Variants in DOCK10 observed in about 807,000 individuals in gnomAD.
DOCK10 encodes the protein dedicator of cytokinesis protein 10.
A neutral mutation model predicts 280.1 loss-of-function variants in DOCK10; 145 were observed. The ratio of observed to expected loss-of-function variants is 0.52; its 90% CI spans 0.45 to 0.59. The LOEUF is 0.59. Ranked by LOEUF, DOCK10 falls within the 20% of genes least tolerant of loss-of-function variation. DOCK10 has a pLI of 0.00. For synonymous variants in DOCK10, 915 were observed against 942.2 expected (o/e 0.97, Z 0.53); for missense variants, 2,368 against 2,651.7 (o/e 0.89, Z 2.35).
At chr2:224,886,623 C>G in intron 4 of DOCK10, 92 bp from the exon 5 acceptor site, 1 of 945,136 alleles carries the variant, frequency 1.1e-6, no homozygotes. Context: ...AACTATGGTG[C>G]TGGTGTTCTT....
At chr2:224,779,500 T>C (rs898306849) in intron 50 of DOCK10, among the ~76,000 whole-genome samples, 1 of 152,032 alleles carries the variant, frequency 6.6e-6, no homozygotes, top group African/African-American at 2.4e-5. Context: ...ACAGGCTATA[T>C]CTGGTTTCTT....
chr2:224,849,085 C>G (rs947960546), intron 19 of DOCK10, among the ~76,000 whole-genome samples: 2 of 152,170 alleles, frequency 1.3e-5, no homozygotes, highest in African/African-American at 4.8e-5. Context: ...AAGCGAGTCT[C>G]CTGCCTCAGC....
chr2:224,828,770 G>A (rs1381979369), intron 27 of DOCK10, among the ~76,000 whole-genome samples: 4 of 152,188 alleles, frequency 2.6e-5, no homozygotes, highest in Non-Finnish European at 5.9e-5. Flanking sequence ...GGGAAGCCAA[G>A]AGGGACCGAC....
intron 1 of DOCK10, among the ~76,000 whole-genome samples, chr2:224,934,891 G>A (rs1319101430): frequency 6.6e-6 from 1 of 152,150 alleles, no homozygotes; most frequent in Non-Finnish European, 1.5e-5. Context: ...TTCATTAGCT[G>A]TTCTAAAGTC....
At chr2:224,801,811 G>A (rs1240775702) in intron 40 of DOCK10, 105 bp downstream of exon 40, 7 of 1,203,408 alleles carry the variant, frequency 5.8e-6, no homozygotes, top group Non-Finnish European at 5.9e-6. Flanking sequence ...TATTCCCAGA[G>A]GTACAGCAAA....
At chr2:224,900,966 G>A (rs1019288324) in intron 3 of DOCK10, among the ~76,000 whole-genome samples, 5 of 147,100 alleles carry the variant, frequency 3.4e-5, no homozygotes, top group African/African-American at 1.1e-4. Context: ...ATATCTGGTG[G>A]TGGGTAGATG....
intron 23 of DOCK10, among the ~76,000 whole-genome samples, chr2:224,840,559 G>A (rs938102296): frequency 1.3e-5 from 2 of 152,122 alleles, no homozygotes; most frequent in Non-Finnish European, 2.9e-5. Context: ...ACCACAGTGG[G>A]ACATCACCTC....
At chr2:225,036,805 A>G (rs973098191) in intron 1 of DOCK10, among the ~76,000 whole-genome samples, 2 of 152,218 alleles carry the variant, frequency 1.3e-5, no homozygotes, top group Admixed American at 6.5e-5. Flanking sequence ...TTGGTCACCA[A>G]GAAGCATTTT....
rs757608796 is a variant in DOCK10, at chr2:224,775,005, G to A, written c.5913C>T (p.His1971=). The A allele has an allele frequency of 7.4e-6, 12 of 1,613,814 alleles. No homozygotes were observed. Among genetic ancestry groups the A allele is most frequent in the Non-Finnish European group, 1.0e-5 (12 of 1,179,808 alleles). The change falls in exon 52 of 56, where the codon CAC becomes CAT. Residue 1971 remains histidine, a synonymous_variant. Transcript: ENST00000258390. ...IEDRKTDFEM[H]HNINRFVFET... Reference sequence around the variant, plus strand: ...CGAAGACAAAGCGGTTGATGTTGTGGTGCATTTCGAAATCTGTCTTCCGGT... The same window carrying A: ...CGAAGACAAAGCGGTTGATGTTGTGATGCATTTCGAAATCTGTCTTCCGGT...
At chr2:224,783,953 T>C (rs1691545301) in intron 50 of DOCK10, among the ~76,000 whole-genome samples, 1 of 152,100 alleles carries the variant, frequency 6.6e-6, no homozygotes. Flanking sequence ...AATAATTAGG[T>C]TGAACCATAT....
intron 4 of DOCK10, among the ~76,000 whole-genome samples, chr2:224,888,190 A>G (rs899570736): frequency 4.6e-5 from 7 of 151,532 alleles, no homozygotes; most frequent in Non-Finnish European, 7.4e-5. Context: ...GGAATGGATA[A>G]AGAGAATGTT....
chr2:224,959,110 ACTT>A (rs937784777), intron 1 of DOCK10, among the ~76,000 whole-genome samples: 7 of 152,186 alleles, frequency 4.6e-5, no homozygotes, highest in African/African-American at 1.2e-4. Flanking sequence ...ATTTGTGTTG[ACTT>A]CTTCTTTCTC....
intron 3 of DOCK10, among the ~76,000 whole-genome samples, chr2:224,897,384 C>T: frequency 6.6e-6 from 1 of 152,142 alleles, no homozygotes; most frequent in East Asian, 1.9e-4. Context: ...TCCCCTCAAG[C>T]ATTTATCGTT....
chr2:224,875,156 T>C (rs1281389005), intron 8 of DOCK10, among the ~76,000 whole-genome samples: 1 of 152,248 alleles, frequency 6.6e-6, no homozygotes, highest in Non-Finnish European at 1.5e-5. Context: ...TGTAAGACAC[T>C]GTAAACATTA....
At chr2:224,873,766 G>A (rs1698447957) in intron 11 of DOCK10, among the ~76,000 whole-genome samples, 1 of 152,024 alleles carries the variant, frequency 6.6e-6, no homozygotes, top group Non-Finnish European at 1.5e-5. Flanking sequence ...TATTGATAAA[G>A]TATAGTATAT....
At chr2:224,926,582 A>G (rs1318266829) in intron 2 of DOCK10, among the ~76,000 whole-genome samples, 3 of 152,232 alleles carry the variant, frequency 2.0e-5, no homozygotes, top group African/African-American at 7.2e-5. Flanking sequence ...GATATCAGCT[A>G]TGAGCCAGGC....
chr2:225,029,023 T>C (rs1262609832), intron 1 of DOCK10, among the ~76,000 whole-genome samples: 1 of 152,202 alleles, frequency 6.6e-6, no homozygotes. Flanking sequence ...TTCCATCTTA[T>C]GATATGAAAT....
At chr2:224,894,045 T>C (rs931117110) in intron 4 of DOCK10, among the ~76,000 whole-genome samples, 1 of 152,236 alleles carries the variant, frequency 6.6e-6, no homozygotes, top group Non-Finnish European at 1.5e-5. Flanking sequence ...TGATTTTCAG[T>C]TTGAATACAT....
chr2:224,856,073 G>T (rs1460806321), intron 15 of DOCK10, among the ~76,000 whole-genome samples: 2 of 152,140 alleles, frequency 1.3e-5, no homozygotes, highest in African/African-American at 4.8e-5. Flanking sequence ...TGGTAGGAGA[G>T]TTTACACCAT....
Sources: allele counts gnomAD v4.1 joint callset (sites outside exome capture counted in the v4.1 genomes callset), GRCh38; gene constraint gnomAD v4.1.1; transcripts MANE v1.5; gene names NCBI Gene and HGNC (gene_info 2026-07-23, HGNC 2026-07-21).